Variants in VANGL1 observed in about 807,000 individuals in gnomAD.
The protein encoded by VANGL1 is vang-like protein 1.
VANGL1 carries 18 observed loss-of-function variants against 48.4 expected under a neutral mutation model. The observed-to-expected ratio is 0.37, with a 90% CI of 0.26 to 0.55. The LOEUF is 0.55. VANGL1 is among the 20% of genes least tolerant of loss of function. The probability of loss-of-function intolerance (pLI) is 0.81; values close to 1 mark genes in which losing one functional copy is unlikely to be tolerated. For synonymous variants in VANGL1, 257 were observed against 261.8 expected, an observed-to-expected ratio of 0.98 and a Z score of 0.18; for missense variants, 667 against 675.8, an observed-to-expected ratio of 0.99 and a Z score of 0.14.
chr1:115,656,736 C>G (rs1267613953), intron 2 of VANGL1, among the ~76,000 whole-genome samples: 1 of 152,206 alleles, frequency 6.6e-6, no homozygotes, highest in Non-Finnish European at 1.5e-5. Flanking sequence ...CTGGTGATGG[C>G]AACCCTGGCT....
intron 4 of VANGL1, 125 bp downstream of exon 4, chr1:115,664,393 G>A (rs1557767746): frequency 1.4e-6 from 2 of 1,432,268 alleles, no homozygotes; most frequent in South Asian, 2.8e-5. Context: ...CTCTTTTCTG[G>A]TTTGGGGAGG....
Position 115,664,170 on chromosome 1 carries a change from C to CTG in VANGL1, c.714_715insTG (p.Val239TrpfsTer33). 6.2e-7 allele frequency: 1 copy of CTG among 1,614,066 alleles called. No homozygotes were observed. The highest frequency in any genetic ancestry group is 8.5e-7 in the Non-Finnish European group (1 of 1,179,936). Reference sequence around the variant, plus strand: ...TCCTCTTCATCCATTACCTGGCCATCGTCCTGCTGGAGCTCAGGCAGCTGC... The same window carrying CTG: ...TCCTCTTCATCCATTACCTGGCCATCTGGTCCTGCTGGAGCTCAGGCAGCTGC... On this transcript the variant is annotated frameshift_variant, in exon 4 of 8. Transcript: ENST00000355485. LOFTEE classifies it high-confidence loss of function.
chr1:115,684,722 G>C (rs571610860), intron 6 of VANGL1, among the ~76,000 whole-genome samples: 9 of 152,264 alleles, frequency 5.9e-5, no homozygotes, highest in African/African-American at 2.2e-4. Context: ...TACTTGAGTG[G>C]GTCTGTTCTG....
At chr1:115,680,023 ATGT>A (rs530219406) in intron 4 of VANGL1, among the ~76,000 whole-genome samples, 38,589 of 123,864 alleles carry the variant, frequency 0.31, 5,485 homozygotes, top group Middle Eastern at 0.35. Flanking sequence ...GTGTGTGTGT[ATGT>A]GAGAGAGAGA....
At chr1:115,644,523 G>C (rs2101286776) in intron 1 of VANGL1, among the ~76,000 whole-genome samples, 1 of 152,262 alleles carries the variant, frequency 6.6e-6, no homozygotes, top group Non-Finnish European at 1.5e-5. Flanking sequence ...ATATTGGTTT[G>C]GTGTTAGCAG....
chr1:115,690,443 G>A (rs1653786205), intron 7 of VANGL1, among the ~76,000 whole-genome samples: 1 of 152,224 alleles, frequency 6.6e-6, no homozygotes, highest in Non-Finnish European at 1.5e-5. Context: ...GGGGCATCAG[G>A]CCTGGGCATC....
intron 5 of VANGL1, 39 bp downstream of exon 5, chr1:115,682,536 G>T (rs1360769680): frequency 1.9e-6 from 3 of 1,613,860 alleles, no homozygotes; most frequent in Non-Finnish European, 1.7e-6. Flanking sequence ...GCTCACAGGG[G>T]CACAGTTGGG....
rs376140334 is a variant in VANGL1, at chr1:115,687,705, C to G, written c.1314+2178C>G. On this transcript the variant is annotated intron_variant, in intron 7 of 7. Coordinates refer to ENST00000355485, the MANE Select transcript of VANGL1 (RefSeq NM_138959.3). ...AATTGGGTCATTGCTCTCTCTTTCT[C>G]TGTGTGTGTGTGTGTGTGTGTGTGT... 4.2e-4 allele frequency among the ~76,000 whole-genome samples: 47 copies of G among 112,868 alleles called. 5 individuals carry two copies. The highest frequency in any genetic ancestry group is 1.3e-3 in the South Asian group (4 of 3,032). 74.0% of individuals were successfully genotyped at this position (112,868 alleles called of 152,430 possible).
chr1:115,691,125 C>G lies in VANGL1; in HGVS notation c.1321C>G (p.Leu441Val). 1 of 1,614,122 alleles carries G rather than the reference C, an allele frequency of 6.2e-7. No homozygotes were observed. The highest frequency in any genetic ancestry group is 2.2e-5 in the East Asian group (1 of 44,870). Residue 441 changes from leucine to valine, a missense_variant, in exon 8 of 8, where the codon CTA becomes GTA. By Grantham distance (32) the Leu-to-Val change is conservative. Transcript: ENST00000355485. ...CTTTCTCCTCTGCTTCCAGGCCTTC[C>G]TAGAACGGTACCTCAGTGCGGGCCC... ...ITNGMTPKAF[L>V]ERYLSAGPTL...
intron 2 of VANGL1, among the ~76,000 whole-genome samples, chr1:115,654,989 A>G (rs3010382): frequency 0.54 from 81,674 of 152,092 alleles, 24,486 homozygotes; most frequent in African/African-American, 0.81. Flanking sequence ...ATGCTACTTT[A>G]GGAAAGGGAA....
intron 4 of VANGL1, among the ~76,000 whole-genome samples, chr1:115,674,629 A>G (rs74117010): frequency 0.021 from 3,209 of 152,312 alleles, 130 homozygotes; most frequent in African/African-American, 0.074. Context: ...ATTAGCATAC[A>G]AGAAGTACTT....
At chr1:115,649,722 G>A (rs977162225) in intron 1 of VANGL1, among the ~76,000 whole-genome samples, 1 of 152,180 alleles carries the variant, frequency 6.6e-6, no homozygotes, top group Non-Finnish European at 1.5e-5. Flanking sequence ...GCTAATAAGT[G>A]AGTAAAACCC....
At chr1:115,667,646 C>T (rs776554291) in intron 4 of VANGL1, among the ~76,000 whole-genome samples, 1 of 152,212 alleles carries the variant, frequency 6.6e-6, no homozygotes, top group Non-Finnish European at 1.5e-5. Context: ...CTTTCTACAG[C>T]GTCCTGGTGT....
Position 115,685,424 on chromosome 1 carries a change from C to A in VANGL1, c.1211C>A (p.Ala404Asp). 6.2e-7 allele frequency: 1 copy of A among 1,614,150 alleles called. No individual in the cohort carries two copies. ...GCCATTTTCCCCTCCATGGCCAGGG[C>A]TCTCCAGAAGTACCTGCGCATCACC... is the stretch of plus-strand genomic sequence containing the variant. ...AQAIFPSMAR[A>D]LQKYLRITRQ... is the part of the protein sequence containing the mutation. Residue 404 changes from alanine (A) to aspartate (D), a missense_variant, in exon 7 of 8, where the codon GCT becomes GAT. Physicochemically the swap from Ala to Asp is moderately radical, Grantham distance 126 (BLOSUM62 -2). Transcript: ENST00000355485.
At chr1:115,657,018 G>A (rs1415941578) in intron 2 of VANGL1, among the ~76,000 whole-genome samples, 2 of 152,248 alleles carry the variant, frequency 1.3e-5, no homozygotes, top group African/African-American at 4.8e-5. Context: ...CCATCTGGCC[G>A]ATGGCAGGGC....
At chr1:115,667,641 T>C (rs1652841774) in intron 4 of VANGL1, among the ~76,000 whole-genome samples, 1 of 152,240 alleles carries the variant, frequency 6.6e-6, no homozygotes. Context: ...CCGCACTTTC[T>C]ACAGCGTCCT....
intron 4 of VANGL1, among the ~76,000 whole-genome samples, chr1:115,678,912 C>T (rs1653269446): frequency 6.6e-6 from 1 of 151,288 alleles, no homozygotes; most frequent in Admixed American, 6.6e-5. Context: ...CGAGATTGCG[C>T]CACTGCACTC....
At chr1:115,648,698 T>A (rs1652028614) in intron 1 of VANGL1, among the ~76,000 whole-genome samples, 2 of 152,136 alleles carry the variant, frequency 1.3e-5, no homozygotes, top group Non-Finnish European at 2.9e-5. Context: ...GGGGCAGGGT[T>A]GGATAAGCTC....
chr1:115,691,098 G>A, intron 7 of VANGL1, 21 bp from the exon 8 acceptor site: 2 of 1,614,108 alleles, frequency 1.2e-6, no homozygotes, highest in Non-Finnish European at 1.7e-6. Context: ...TTCCCTAATG[G>A]CCTTTCTCCT....
Sources: allele counts gnomAD v4.1 joint callset (sites outside exome capture counted in the v4.1 genomes callset), GRCh38; gene constraint gnomAD v4.1.1; transcripts MANE v1.5; gene names NCBI Gene and HGNC (gene_info 2026-07-23, HGNC 2026-07-21).